OGDHL: variants seen among roughly 807,000 people sequenced by gnomAD.
OGDHL encodes the protein oxoglutarate dehydrogenase L.
A neutral mutation model predicts 109.6 loss-of-function variants in OGDHL; 79 were observed. The ratio of observed to expected loss-of-function variants is 0.72; its 90% CI spans 0.60 to 0.87. The LOEUF (loss-of-function observed/expected upper bound fraction) is 0.87. OGDHL is among the 40% of genes least tolerant of loss of function. The pLI is 0.00. For missense variants in OGDHL, 1,275 were observed against 1,362.2 expected, an observed-to-expected ratio of 0.94 and a Z score of 1.01; for synonymous variants, 528 against 537.2, an observed-to-expected ratio of 0.98 and a Z score of 0.24.
In OGDHL at chr10:49,752,126, T is replaced by G; in HGVS notation, c.594+7A>C. The G allele has an allele frequency of 6.2e-7, 1 of 1,612,176 alleles. No homozygotes were observed. The highest frequency in any genetic ancestry group is 8.5e-7 in the Non-Finnish European group (1 of 1,178,274). On this transcript the variant is annotated splice_region_variant and intron_variant, in intron 5 of 22. Transcript: ENST00000374103. ...CAGCTGCACCCCACACACCCGCCTGTGCTCACCTCCAGGCGCCGAATGATC... is the reference window on the plus strand; with the variant it reads ...CAGCTGCACCCCACACACCCGCCTGGGCTCACCTCCAGGCGCCGAATGATC...
In OGDHL at chr10:49,758,647, G is replaced by A. The variant is rs150183773; in HGVS notation, c.-1-54C>T. The A allele has an allele frequency of 2.4e-3, 3,790 of 1,564,960 alleles. 27 individuals are homozygous for A. The highest frequency in any genetic ancestry group is 0.012 in the Middle Eastern group (71 of 5,976). ...AAATGGCAGGACCAAGACAGGAAGA[G>A]GCTCTACCAAGCCACTGTCCGCTCA... On this transcript the variant is annotated intron_variant, in intron 1 of 22. Coordinates refer to ENST00000374103, the MANE Select transcript of OGDHL (RefSeq NM_018245.3).
intron 20 of OGDHL, among the ~76,000 whole-genome samples, chr10:49,736,824 G>A (rs948153328): frequency 4.6e-5 from 7 of 152,112 alleles, no homozygotes; most frequent in African/African-American, 9.7e-5. Context: ...GCAACATGAT[G>A]GCATCATCCT....
In OGDHL at chr10:49,736,459, C is replaced by T. The variant is rs766564959; in HGVS notation, c.2652G>A (p.Val884=). 1.9e-6 allele frequency: 3 copies of T among 1,614,034 alleles called. No homozygotes were observed. The highest frequency in any genetic ancestry group is 2.5e-6 in the Non-Finnish European group (3 of 1,180,024). ...TTCCCGTGCAGAAGATGAGCCGCTG[C>T]ACCTGCTCAGGGGCCCGTGCTGCGG... ...DGAAARAPEQ[V]QRLIFCTGKV... The change falls in exon 21 of 23, where the codon GTG becomes GTA. Residue 884 remains valine, a synonymous_variant. Coordinates refer to ENST00000374103, the MANE Select transcript of OGDHL (RefSeq NM_018245.3).
At chr10:49,737,280 C>T (rs1400934930) in intron 20 of OGDHL, among the ~76,000 whole-genome samples, 1 of 152,138 alleles carries the variant, frequency 6.6e-6, no homozygotes, top group African/African-American at 2.4e-5. Flanking sequence ...CCTCTACTGC[C>T]CAGGACCATT....
intron 18 of OGDHL, 54 bp downstream of exon 18, chr10:49,738,137 C>A: frequency 1.2e-6 from 2 of 1,614,080 alleles, no homozygotes; most frequent in Non-Finnish European, 1.7e-6. Flanking sequence ...GGACCCCTAG[C>A]CCTGTGGGCA....
At chr10:49,737,412 T>TCCA (rs1445415000) in intron 20 of OGDHL, among the ~76,000 whole-genome samples, 1 of 152,130 alleles carries the variant, frequency 6.6e-6, no homozygotes, top group Non-Finnish European at 1.5e-5. Context: ...CAAAGACTCC[T>TCCA]GGAGGGGACA....
rs1841991013 is a variant in OGDHL, at chr10:49,743,998, G to A, written c.1857C>T (p.His619=). Residue 619 remains histidine (H), a synonymous_variant, in exon 14 of 23, where the codon CAC becomes CAT. Transcript: ENST00000374103. ...CAGCCTGTCCAGCAACCTCACCAGT[G>A]TGGATCTTAAAGTCCTCCAGGGGCA... The part of the protein sequence containing the change: ...SSVPLEDFKI[H]TGLSRILRGR... 1.2e-6 allele frequency: 2 copies of A among 1,613,690 alleles called. No individual in the cohort carries two copies. The highest frequency in any genetic ancestry group is 8.5e-7 in the Non-Finnish European group (1 of 1,179,710).
chr10:49,743,019 C>A (rs1841905133), intron 14 of OGDHL, 41 bp from the exon 15 acceptor site: 1 of 1,602,942 alleles, frequency 6.2e-7, no homozygotes, highest in Non-Finnish European at 8.5e-7. Context: ...AAGGGACAGC[C>A]AGCCCTGGGG....
intron 10 of OGDHL, 135 bp from the exon 11 acceptor site, chr10:49,746,112 G>A (rs764803711): frequency 4.7e-4 from 454 of 962,014 alleles, no homozygotes; most frequent in Admixed American, 7.6e-4. Flanking sequence ...ACACAACAGG[G>A]TGATGGTGAG....
In OGDHL at chr10:49,742,907, A is replaced by T. The variant is rs745822113; in HGVS notation, c.1933T>A (p.Tyr645Asn). ...NRTVDWALAE[Y>N]MAFGSLLKEG... ...TTCAGCAGGGAGCCAAAGGCCATGT[A>T]CTCTGCCAACGCCCAGTCCACCGTC... is the stretch of plus-strand genomic sequence containing the variant. The change falls in exon 15 of 23, where the codon TAC becomes AAC. Residue 645 changes from tyrosine (Y) to asparagine (N), a missense_variant. Physicochemically the swap from Tyr to Asn is moderately radical, Grantham distance 143. Coordinates refer to ENST00000374103, the MANE Select transcript of OGDHL (RefSeq NM_018245.3). The T allele has an allele frequency of 6.2e-7, 1 of 1,613,974 alleles. No individual in the cohort carries two copies. The highest frequency in any genetic ancestry group is 2.2e-5 in the East Asian group (1 of 44,884).
chr10:49,752,282 CA>C (rs768344499), intron 4 of OGDHL, 34 bp from the exon 5 acceptor site: 1 of 1,548,178 alleles, frequency 6.5e-7, no homozygotes, highest in African/African-American at 1.4e-5. Flanking sequence ...CCCCGGGCAG[CA>C]AAGTGGAGGG....
chr10:49,743,758 T>C (rs1330096434), intron 14 of OGDHL: 1 of 442,420 alleles, frequency 2.3e-6, no homozygotes. Context: ...AACCTAAGAC[T>C]AGTCACTGGT....
rs2132920127 is a variant in OGDHL, at chr10:49,734,822, TAAGAGCACAG to T, written c.*396_*405del. 1 of 156,758 alleles carries T rather than the reference TAAGAGCACAG, an allele frequency of 6.4e-6. No homozygotes were observed. The highest frequency in any genetic ancestry group is 1.9e-4 in the East Asian group (1 of 5,282). 9.7% of individuals were successfully genotyped at this position (156,758 alleles called of 1,614,324 possible). A position where few individuals can be genotyped will look rare whatever the true frequency, so the allele number is the denominator to read the frequency against. ...CTGTTACTGCTGAACTCCCTACTTC[TAAGAGCACAG>T]AAGAGAACATCGCTTTGAATCTACA... On this transcript the variant is annotated 3_prime_UTR_variant, in exon 23 of 23. Coordinates refer to ENST00000374103, the MANE Select transcript of OGDHL (RefSeq NM_018245.3).
intron 14 of OGDHL, 160 bp downstream of exon 14, chr10:49,743,834 G>A (rs1841975272): frequency 1.2e-6 from 1 of 833,926 alleles, no homozygotes; most frequent in Non-Finnish European, 1.8e-6. Flanking sequence ...AAGAGCTACT[G>A]TCACGGGCAC....
At position 49,740,740 on chromosome 10, in the gene OGDHL, T is replaced by C. The variant is rs1402996713; in HGVS notation, c.2110A>G (p.Asn704Asp). 6.2e-7 allele frequency: 1 copy of C among 1,613,756 alleles called. No homozygotes were observed. ...WPDQAPYTVCNSSLSEYGVLG... is the reference protein window; with the variant it reads ...WPDQAPYTVCDSSLSEYGVLG... ...ACTCCGTACTCCGAGAGGGAGCTGT[T>C]GCACACGGTGTACGGGGCCTGGTCA... Residue 704 changes from asparagine (N) to aspartate (D), a missense_variant, in exon 16 of 23, where the codon AAC becomes GAC. Physicochemically the swap from Asn to Asp is conservative, Grantham distance 23 (BLOSUM62 1). Transcript: ENST00000374103.
chr10:49,737,950 C>T lies in OGDHL; in HGVS notation c.2514G>A (p.Lys838=), dbSNP rs148908838. The change falls in exon 19 of 23, where the codon AAG becomes AAA. Residue 838 remains lysine (K), a synonymous_variant. Transcript: ENST00000374103. ...CTGCCCTGGGACGGAGACTCACCGG[C>T]TTGCGGAAGGGCAGCAGGATCTGCC... ...LRRQILLPFR[K]PLIIFTPKSL... 2.9e-4 allele frequency: 471 copies of T among 1,614,156 alleles called. No individual in the cohort carries two copies. The highest frequency in any genetic ancestry group is 3.7e-4 in the Non-Finnish European group (442 of 1,180,034).
In OGDHL at chr10:49,752,154, C is replaced by A; in HGVS notation, c.573G>T (p.Arg191=). ...TCACCTCCAGGCGCCGAATGATCTCCCGCAGAGAGAGGGTGTTTTCAGAGC... is the reference window on the plus strand; with the variant it reads ...TCACCTCCAGGCGCCGAATGATCTCACGCAGAGAGAGGGTGTTTTCAGAGC... ...IGGSENTLSL[R]EIIRRLENTY... Residue 191 remains arginine (R), a synonymous_variant, in exon 5 of 23, where the codon CGG becomes CGT. Transcript: ENST00000374103. 1 of 1,614,132 alleles carries A rather than the reference C, an allele frequency of 6.2e-7. No individual in the cohort carries two copies. The highest frequency in any genetic ancestry group is 8.5e-7 in the Non-Finnish European group (1 of 1,180,026).
chr10:49,735,545 G>C (rs1294651736), intron 22 of OGDHL, among the ~76,000 whole-genome samples, 194 bp from the exon 23 acceptor site: 2 of 152,242 alleles, frequency 1.3e-5, no homozygotes, highest in Admixed American at 6.5e-5. Context: ...AGCCACAGAA[G>C]AGTGGGGAGA....
Position 49,737,920 on chromosome 10 carries a change from G to A in OGDHL, c.2517+27C>T, listed in dbSNP as rs759016957. ...CTGCCTGGCCAGGCCCCCTGCCTGT[G>A]ACCCCTGCCCTGGGACGGAGACTCA... is the stretch of plus-strand genomic sequence containing the variant. On this transcript the variant is annotated intron_variant, in intron 19 of 22. Coordinates refer to ENST00000374103, the MANE Select transcript of OGDHL (RefSeq NM_018245.3). The A allele has an allele frequency of 1.9e-6, 3 of 1,614,026 alleles. No homozygotes were observed. In the African/African-American group the frequency reaches 4.0e-5, roughly 22 times the overall value.
Sources: gnomAD v4.1 joint callset for allele counts (sites outside exome capture counted in the v4.1 genomes callset) on GRCh38, gnomAD v4.1.1 for gene constraint, MANE v1.5 for transcripts, NCBI Gene and HGNC (gene_info 2026-07-23, HGNC 2026-07-21) for gene names.